Variants in PPP1R12C observed in about 807,000 individuals in gnomAD.
PPP1R12C encodes protein phosphatase 1 regulatory subunit 12C.
Under a neutral mutation model 95.6 loss-of-function variants are expected in PPP1R12C, and 48 were observed. That is an observed-to-expected ratio of 0.50 (90% confidence interval 0.40 to 0.64). PPP1R12C has a LOEUF of 0.64. Ranked by LOEUF, PPP1R12C falls within the 30% of genes least tolerant of loss-of-function variation. The pLI, the probability that PPP1R12C is intolerant of heterozygous loss-of-function variation, is 0.00. For synonymous variants in PPP1R12C, 480 were observed against 460.8 expected (o/e 1.04, Z -0.53); for missense variants, 1,057 against 1,083.3 (o/e 0.98, Z 0.34).
chr19:55,112,887 A>G (rs2085113717), intron 1 of PPP1R12C, 92 bp from the exon 2 acceptor site: 2 of 1,536,666 alleles, frequency 1.3e-6, no homozygotes, highest in Admixed American at 1.7e-5. Context: ...AAACAGATCC[A>G]GGGACACGGT....
intron 4 of PPP1R12C, among the ~76,000 whole-genome samples, chr19:55,102,178 A>G (rs1487353749): frequency 6.6e-6 from 1 of 152,228 alleles, no homozygotes; most frequent in African/African-American, 2.4e-5. Context: ...GACTGAGGTG[A>G]GGATGACAGA....
Position 55,093,235 on chromosome 19 carries a change from T to G in PPP1R12C, c.1684-2A>C. On this transcript the variant is annotated splice_acceptor_variant, in intron 13 of 21. Transcript: ENST00000263433. LOFTEE classifies it high-confidence loss of function. Reference sequence around the variant, plus strand: ...CTTCAGGTCTGTAAGAGTCACACCCTGGCAGGGAAAGGGGACAGTCAGGGG... The same window carrying G: ...CTTCAGGTCTGTAAGAGTCACACCCGGGCAGGGAAAGGGGACAGTCAGGGG... 1.9e-6 allele frequency: 3 copies of G among 1,612,320 alleles called. No individual in the cohort carries two copies. The highest frequency in any genetic ancestry group is 1.7e-6 in the Non-Finnish European group (2 of 1,179,636).
In PPP1R12C at chr19:55,117,321, C is replaced by A; in HGVS notation, c.223G>T (p.Asp75Tyr). ...DEARLMLRAA[D>Y]PGPGAELDPA... ...TCGAGCTCGGCGCCGGGGCCAGGGT[C>A]GGCGGCGCGCAGCATCAGACGCGCC... Residue 75 changes from aspartate (D) to tyrosine (Y), a missense_variant, in exon 1 of 22, where the codon GAC becomes TAC. Physicochemically the swap from Asp to Tyr is radical, Grantham distance 160. Around this residue, in one of 5 missense-constraint regions of PPP1R12C, gnomAD observed 282 missense variants for 380.4 expected, o/e 0.74. Transcript: ENST00000263433. The A allele has an allele frequency of 1.7e-6, 2 of 1,181,678 alleles. No homozygotes were observed. The highest frequency in any genetic ancestry group is 4.1e-5 in the South Asian group (1 of 24,274). The allele number at this position is 1,181,678 out of a possible 1,614,324, so 73.2% of individuals were successfully genotyped here. A position where few individuals can be genotyped will look rare whatever the true frequency, so the allele number is the denominator to read the frequency against.
rs1603001128 is a variant in PPP1R12C at position 55,109,197 on chromosome 19, C to A, written c.571+3270G>T. Reference sequence around the variant, plus strand: ...TTCACTGCATCTTCCACCTCCCAGGCTCAAGCAATCTTCTCACCTCAGCCT... The same window carrying A: ...TTCACTGCATCTTCCACCTCCCAGGATCAAGCAATCTTCTCACCTCAGCCT... On this transcript the variant is annotated intron_variant, in intron 3 of 21. Coordinates refer to ENST00000263433, the MANE Select transcript of PPP1R12C (RefSeq NM_017607.4). This position sits in a 1 kb window ranked among gnomAD's most constrained non-coding sequence, Gnocchi z 4.4. Among the ~76,000 whole-genome samples, 1 of 152,230 alleles carries A rather than the reference C, an allele frequency of 6.6e-6. No individual in the cohort carries two copies. Among genetic ancestry groups the A allele is most frequent in the Non-Finnish European group, 1.5e-5 (1 of 68,046 alleles).
rs368912034 is a variant in PPP1R12C at position 55,091,468 on chromosome 19, C to T, written c.*4G>A. On this transcript the variant is annotated 3_prime_UTR_variant, in exon 22 of 22. Coordinates refer to ENST00000263433, the MANE Select transcript of PPP1R12C (RefSeq NM_017607.4). ...AAATACGGGTGCGGGAAAGTCCCTCCGGGTCACTTGGAGAGTTTGCTGATG... is the reference window on the plus strand; with the variant it reads ...AAATACGGGTGCGGGAAAGTCCCTCTGGGTCACTTGGAGAGTTTGCTGATG... 5.6e-5 allele frequency: 90 copies of T among 1,613,106 alleles called. 1 individual carries two copies. Among genetic ancestry groups the T allele is most frequent in the South Asian group, 3.3e-4 (30 of 91,046 alleles).
Position 55,112,800 on chromosome 19 carries a change from G to A in PPP1R12C, c.322-5C>T. The A allele has an allele frequency of 1.2e-6, 2 of 1,612,226 alleles. No homozygotes were observed. The highest frequency in any genetic ancestry group is 1.7e-6 in the Non-Finnish European group (2 of 1,179,894). ...CAGGTTCTCATCAATGCAGGCCTGG[G>A]GGTGGGAAACAGCCGTCAGCCGCAC... On this transcript the variant is annotated splice_polypyrimidine_tract_variant and splice_region_variant and intron_variant, in intron 1 of 21. Transcript: ENST00000263433.
Position 55,095,470 on chromosome 19 carries a change from G to T in PPP1R12C, c.1361C>A (p.Ser454Tyr). The T allele has an allele frequency of 6.4e-7, 1 of 1,564,176 alleles. No homozygotes were observed. The highest frequency in any genetic ancestry group is 8.7e-7 in the Non-Finnish European group (1 of 1,154,568). ...GAGLQRSASS[S>Y]WLEGTSTQAK... is the part of the protein sequence containing the mutation. Reference sequence around the variant, plus strand: ...CTGAGTGGAGGTCCCTTCCAGCCAGGAGGAGGAAGCCGAGCGCTGCAGCCC... The same window carrying T: ...CTGAGTGGAGGTCCCTTCCAGCCAGTAGGAGGAAGCCGAGCGCTGCAGCCC... The change falls in exon 10 of 22, where the codon TCC becomes TAC. Residue 454 changes from serine (S) to tyrosine (Y), a missense_variant. Around this residue, in one of 5 missense-constraint regions of PPP1R12C, gnomAD observed 356 missense variants for 330.5 expected, o/e 1.08. Transcript: ENST00000263433.
chr19:55,117,616 G>A lies in PPP1R12C; in HGVS notation c.-73C>T, dbSNP rs1344323040. On this transcript the variant is annotated 5_prime_UTR_variant, in exon 1 of 22. Coordinates refer to ENST00000263433, the MANE Select transcript of PPP1R12C (RefSeq NM_017607.4). ...GCCGCCACCACCCGCCCGCCCGCCCGCCCCGGGGGCCGCCGGGAACTGCCG... is the reference window on the plus strand; with the variant it reads ...GCCGCCACCACCCGCCCGCCCGCCCACCCCGGGGGCCGCCGGGAACTGCCG... 1.7e-5 allele frequency: 13 copies of A among 752,788 alleles called. No individual in the cohort carries two copies. The highest frequency in any genetic ancestry group is 3.7e-4 in the Admixed American group (1 of 2,684). The allele number at this position is 752,788 out of a possible 1,614,324, so 46.6% of individuals were successfully genotyped here.
In PPP1R12C at chr19:55,096,335, G is replaced by A. The variant is rs1025850140; in HGVS notation, c.952C>T (p.Leu318Phe). 1.2e-6 allele frequency: 2 copies of A among 1,613,288 alleles called. No homozygotes were observed. The highest frequency in any genetic ancestry group is 2.7e-5 in the African/African-American group (2 of 74,884). ...TGGGAAGCTTCTTTTTGGTTCCGAA[G>A]CTGCAAGGAGGGAAGGGGGCTGCAG... is the stretch of plus-strand genomic sequence containing the variant. ...LEELARKQED[L>F]RNQKEASQSR... Residue 318 changes from leucine to phenylalanine, a missense_variant and splice_region_variant, in exon 7 of 22, where the codon CTT becomes TTT. Coordinates refer to ENST00000263433, the MANE Select transcript of PPP1R12C (RefSeq NM_017607.4).
intron 4 of PPP1R12C, 133 bp from the exon 5 acceptor site, chr19:55,099,228 C>G: frequency 9.5e-7 from 1 of 1,048,694 alleles, no homozygotes. Flanking sequence ...GGTAAAGAGC[C>G]ACTGCCCAGC....
chr19:55,092,119 C>A, intron 19 of PPP1R12C, 103 bp downstream of exon 19: 1 of 1,199,336 alleles, frequency 8.3e-7, no homozygotes, highest in South Asian at 1.4e-5. Flanking sequence ...CAAGTGAAGC[C>A]CAGCCCCGCC....
intron 17 of PPP1R12C, 31 bp downstream of exon 17, chr19:55,092,591 G>A: frequency 6.4e-7 from 1 of 1,551,630 alleles, no homozygotes. Context: ...CGGCCCGCAC[G>A]CAGACCCCAC....
At position 55,091,496 on chromosome 19, in the gene PPP1R12C, G is replaced by A. The variant is rs913350269; in HGVS notation, c.2325C>T (p.Arg775=). 1.9e-5 allele frequency: 30 copies of A among 1,613,886 alleles called. No individual in the cohort carries two copies. The Middle Eastern group carries it at 4.9e-4, about 27-fold the overall frequency. The stretch of plus-strand genomic sequence containing the variant: ...GTCACTTGGAGAGTTTGCTGATGAC[G>A]CGGATCAACGCTGCATTCTCATCCT... ...RLKDENAALI[R]VISKLSK The change falls in exon 22 of 22, where the codon CGC becomes CGT. Residue 775 remains arginine (R), a synonymous_variant. Coordinates refer to ENST00000263433, the MANE Select transcript of PPP1R12C (RefSeq NM_017607.4).
chr19:55,112,941 G>A, intron 1 of PPP1R12C, 146 bp from the exon 2 acceptor site: 2 of 1,187,616 alleles, frequency 1.7e-6, no homozygotes, highest in South Asian at 1.4e-5. Context: ...CTGGCCACTG[G>A]CTGTTTAAGA....
chr19:55,099,082 C>A lies in PPP1R12C; in HGVS notation c.745G>T (p.Ala249Ser). 6.5e-7 allele frequency: 1 copy of A among 1,543,644 alleles called. No homozygotes were observed. The highest frequency in any genetic ancestry group is 8.8e-7 in the Non-Finnish European group (1 of 1,142,682). ...YIEVMRLLLQ[A>S]GYDPELRDGD... ...TCCCGGAGCTCTGGGTCGTAGCCAG[C>A]CTGAAGGAGCAACCTGGGGGCCAGG... Residue 249 changes from alanine (A) to serine (S), a missense_variant, in exon 5 of 22, where the codon GCT becomes TCT. Ala to Ser is a moderately conservative substitution (Grantham distance 99). This residue lies in a region of PPP1R12C where 282 missense variants were observed against 380.4 expected (regional missense o/e 0.74). Transcript: ENST00000263433.
At chr19:55,096,473 T>C (rs2084914119) in intron 6 of PPP1R12C, 138 bp from the exon 7 acceptor site, 1 of 1,016,084 alleles carries the variant, frequency 9.8e-7, no homozygotes. Flanking sequence ...TTCCTACAGA[T>C]GGCCACACAC....
chr19:55,112,652 T>A lies in PPP1R12C; in HGVS notation c.452+13A>T. On this transcript the variant is annotated intron_variant, in intron 2 of 21. Coordinates refer to ENST00000263433, the MANE Select transcript of PPP1R12C (RefSeq NM_017607.4). Reference sequence around the variant, plus strand: ...ACCCCGACCAGGTCCTGCCCGGCCCTCCCTTGCCTCACCTGGCGATATCTA... The same window carrying A: ...ACCCCGACCAGGTCCTGCCCGGCCCACCCTTGCCTCACCTGGCGATATCTA... 6.2e-7 allele frequency: 1 copy of A among 1,613,034 alleles called. No homozygotes were observed.
In PPP1R12C at chr19:55,096,331, C is replaced by T. The variant is rs201139942; in HGVS notation, c.956G>A (p.Arg319Gln). Residue 319 changes from arginine (R) to glutamine (Q), a missense_variant, in exon 7 of 22, where the codon CGG (arginine) becomes CAG (glutamine). Arg to Gln is a conservative substitution (Grantham distance 43, BLOSUM62 1). Around this residue, in one of 5 missense-constraint regions of PPP1R12C, gnomAD observed 356 missense variants for 330.5 expected, o/e 1.08. Transcript: ENST00000263433. ...GCTCTGGGAAGCTTCTTTTTGGTTC[C>T]GAAGCTGCAAGGAGGGAAGGGGGCT... ...EELARKQEDL[R>Q]NQKEASQSRG... The T allele has an allele frequency of 1.7e-4, 270 of 1,613,250 alleles. 1 individual carries two copies. Among genetic ancestry groups the T allele is most frequent in the African/African-American group, 4.0e-5 (3 of 74,866 alleles).
chr19:55,093,016 C>T lies in PPP1R12C; in HGVS notation c.1825G>A (p.Ala609Thr). 1 of 1,576,024 alleles carries T rather than the reference C, an allele frequency of 6.3e-7. No individual in the cohort carries two copies. The highest frequency in any genetic ancestry group is 2.2e-5 in the East Asian group (1 of 44,522). ...TGACCTCCCCGAGAGCAGACCTCAC[C>T]TCTCTGGGCAGGGCTGTCAGAGTTC... ...VENSDSPAQRAEAPDGQGPGP... is the reference protein window; with the variant it reads ...VENSDSPAQRTEAPDGQGPGP... The change falls in exon 15 of 22, where the codon GCA becomes ACA. Residue 609 changes from alanine (A) to threonine (T), a missense_variant and splice_region_variant. Ala to Thr is a moderately conservative substitution (Grantham distance 58, BLOSUM62 0). This residue lies in a region of PPP1R12C where 347 missense variants were observed against 307.9 expected (regional missense o/e 1.13). Transcript: ENST00000263433.
Sources: gnomAD v4.1 joint callset for allele counts (sites outside exome capture counted in the v4.1 genomes callset) on GRCh38, gnomAD v4.1.1 for gene constraint, gnomAD v4.1.1 regional missense constraint, Gnocchi (gnomAD v3.1) non-coding constraint, MANE v1.5 for transcripts, NCBI Gene and HGNC (gene_info 2026-07-23, HGNC 2026-07-21) for gene names.